CMTM4: variants seen among roughly 807,000 people sequenced by gnomAD.
The protein encoded by CMTM4 is CKLF-like MARVEL transmembrane domain-containing protein 4.
In CMTM4, 8 loss-of-function variants were observed where a neutral mutation model predicts 19.0. The observed-to-expected ratio is 0.42, with a 90% CI of 0.25 to 0.76. CMTM4 has a LOEUF of 0.76. Among genes scored for constraint, CMTM4 ranks in the 30% least tolerant of loss-of-function variants. The probability of loss-of-function intolerance (pLI) is 0.27; values close to 1 mark genes in which losing one functional copy is unlikely to be tolerated. For missense variants in CMTM4, 228 were observed against 290.2 expected (o/e 0.79, Z 1.56); for synonymous variants, 106 against 121.1 (o/e 0.88, Z 0.82).
chr16:66,678,277 C>T (rs1341270160), intron 1 of CMTM4, among the ~76,000 whole-genome samples: 1 of 152,144 alleles, frequency 6.6e-6, no homozygotes, highest in Non-Finnish European at 1.5e-5. Context: ...CCTCCAGCAA[C>T]CCGGAGATGC....
At chr16:66,626,116 T>A (rs1261086099) in intron 2 of CMTM4, among the ~76,000 whole-genome samples, 1 of 152,060 alleles carries the variant, frequency 6.6e-6, no homozygotes, top group Non-Finnish European at 1.5e-5. Context: ...ATGACCCAGT[T>A]TTTCTAACAA....
chr16:66,624,564 C>T (rs763435897), intron 2 of CMTM4, among the ~76,000 whole-genome samples: 67 of 152,058 alleles, frequency 4.4e-4, no homozygotes, highest in Non-Finnish European at 5.7e-4. Context: ...GTCAGGTGTT[C>T]GAGAACAGCC....
Position 66,633,106 on chromosome 16 carries a change from T to TATATATAAATATATATATATAA in CMTM4, c.363+3298_363+3299insTTATATATATATATTTATATAT, listed in dbSNP as rs1193487670. On this transcript the variant is annotated intron_variant, in intron 2 of 3. Transcript: ENST00000394106. ...GTTTCAAAATATATATATATAAATATATATATATATAAATATATATATATA... is the reference window on the plus strand; with the variant it reads ...GTTTCAAAATATATATATATAAATATATATATAAATATATATATATAAATATATATATAAATATATATATATA... Among the ~76,000 whole-genome samples the TATATATAAATATATATATATAA allele has an allele frequency of 7.5e-4, 97 of 129,636 alleles. 7 individuals are homozygous for TATATATAAATATATATATATAA. The highest frequency in any genetic ancestry group is 2.9e-3 in the African/African-American group (91 of 31,602). 85.0% of individuals were successfully genotyped at this position (129,636 alleles called of 152,430 possible).
the CMTM4 span, among the ~76,000 whole-genome samples, chr16:66,601,905 C>T: frequency 6.6e-6 from 1 of 152,138 alleles, no homozygotes; most frequent in African/African-American, 2.4e-5. Flanking sequence ...GGAGGAGGCC[C>T]CATTCTGCAG....
chr16:66,658,869 C>A lies in CMTM4; in HGVS notation c.187-22288G>T, dbSNP rs558702024. Among the ~76,000 whole-genome samples the A allele has an allele frequency of 1.5e-3, 225 of 152,262 alleles. 2 individuals are homozygous for A. The highest frequency in any genetic ancestry group is 0.015 in the Admixed American group (223 of 15,284). ...TCAGTAGCTATTAAAGCCACCGATGCGGAATTTCAAACAGATGGATCAAGC... is the reference window on the plus strand; with the variant it reads ...TCAGTAGCTATTAAAGCCACCGATGAGGAATTTCAAACAGATGGATCAAGC... On this transcript the variant is annotated intron_variant, in intron 1 of 3. Transcript: ENST00000394106.
intron 1 of CMTM4, among the ~76,000 whole-genome samples, chr16:66,641,872 C>T (rs1057255190): frequency 2.0e-5 from 3 of 152,158 alleles, no homozygotes; most frequent in Non-Finnish European, 4.4e-5. Flanking sequence ...TATTTTCCAG[C>T]CCACTTTTTC....
chr16:66,632,627 G>C (rs1015700686), intron 2 of CMTM4, among the ~76,000 whole-genome samples: 1 of 152,130 alleles, frequency 6.6e-6, no homozygotes, highest in Non-Finnish European at 1.5e-5. Flanking sequence ...GGCCAGTTGA[G>C]TGGGAGCCAC....
Position 66,618,834 on chromosome 16 carries a change from C to T in CMTM4, c.*3224G>A, listed in dbSNP as rs957455260. The T allele has an allele frequency of 1.6e-5, 16 of 985,520 alleles. No homozygotes were observed. The highest frequency in any genetic ancestry group is 1.7e-5 in the African/African-American group (1 of 57,376). The allele number at this position is 985,520 out of a possible 1,614,324, so 61.0% of individuals were successfully genotyped here. The stretch of plus-strand genomic sequence containing the variant: ...GACACATTCCCTGGCTGCCCACAGG[C>T]GTGAGCCTTCCTGCCAGGGGACAGT... On this transcript the variant is annotated 3_prime_UTR_variant, in exon 4 of 4. Coordinates refer to ENST00000394106, the MANE Select transcript of CMTM4 (RefSeq NM_181521.3).
At chr16:66,602,525 C>T in the CMTM4 span, among the ~76,000 whole-genome samples, 1 of 151,840 alleles carries the variant, frequency 6.6e-6, no homozygotes, top group East Asian at 1.9e-4. Context: ...AGCCAATTTG[C>T]TTCTTCTTCT....
At chr16:66,609,159 C>T in the CMTM4 span, among the ~76,000 whole-genome samples, 1 of 151,748 alleles carries the variant, frequency 6.6e-6, no homozygotes, top group Admixed American at 6.6e-5. The surrounding 1 kb of genome is among the most constrained non-coding windows in gnomAD (Gnocchi z 4.4). Flanking sequence ...TCCACCGCAT[C>T]GCAGGGCAGG....
intron 1 of CMTM4, among the ~76,000 whole-genome samples, chr16:66,639,414 T>C (rs1273538383): frequency 2.6e-5 from 4 of 152,124 alleles, no homozygotes; most frequent in Admixed American, 6.5e-5. Flanking sequence ...GTTGTGGCAG[T>C]GAACAAAACA....
At chr16:66,648,700 G>A (rs968889075) in intron 1 of CMTM4, among the ~76,000 whole-genome samples, 4 of 151,068 alleles carry the variant, frequency 2.6e-5, no homozygotes, top group East Asian at 2.0e-4. Context: ...GGCCGAGCAC[G>A]GTGGCTCACG....
At chr16:66,631,140 G>C (rs1325510459) in intron 2 of CMTM4, among the ~76,000 whole-genome samples, 3 of 151,634 alleles carry the variant, frequency 2.0e-5, no homozygotes, top group African/African-American at 7.3e-5. Context: ...GTCTCTGCCC[G>C]GCAGCCACCC....
At position 66,621,599 on chromosome 16, in the gene CMTM4, G is replaced by A; in HGVS notation, c.*459C>T. 1 of 992,972 alleles carries A rather than the reference G, an allele frequency of 1.0e-6. No individual in the cohort carries two copies. The highest frequency in any genetic ancestry group is 1.2e-6 in the Non-Finnish European group (1 of 833,850). 61.5% of individuals were successfully genotyped at this position (992,972 alleles called of 1,614,324 possible). A position where few individuals can be genotyped will look rare whatever the true frequency, so the allele number is the denominator to read the frequency against. On this transcript the variant is annotated 3_prime_UTR_variant, in exon 4 of 4. Transcript: ENST00000394106. ...CCCTGGCATGGAAGATGAGGAGTGG[G>A]CTGGATCCCAGCACGCAGACTCAAC...
At chr16:66,605,004 CGG>C in the CMTM4 span, 1 of 1,381,648 alleles carries the variant, frequency 7.2e-7, no homozygotes, top group Non-Finnish European at 9.3e-7. This position sits in a 1 kb window ranked among gnomAD's most constrained non-coding sequence, Gnocchi z 4.6. Flanking sequence ...CGGCTCCTTT[CGG>C]AGGAGGACGT....
At chr16:66,653,372 G>A (rs2016345566) in intron 1 of CMTM4, among the ~76,000 whole-genome samples, 1 of 150,662 alleles carries the variant, frequency 6.6e-6, no homozygotes, top group Non-Finnish European at 1.5e-5. Flanking sequence ...CCACTACCCT[G>A]GCAACCCCCC....
intron 2 of CMTM4, among the ~76,000 whole-genome samples, chr16:66,626,406 C>A (rs1327163086): frequency 6.6e-6 from 1 of 152,148 alleles, no homozygotes; most frequent in Non-Finnish European, 1.5e-5. Flanking sequence ...GAGCTCAAGA[C>A]CACCCCTAGG....
intron 1 of CMTM4, among the ~76,000 whole-genome samples, chr16:66,691,759 T>C (rs1010583365): frequency 1.3e-5 from 2 of 152,298 alleles, no homozygotes; most frequent in African/African-American, 4.8e-5. Flanking sequence ...TTCATAATGT[T>C]TCAGATTAGC....
intron 1 of CMTM4, among the ~76,000 whole-genome samples, chr16:66,652,990 T>C (rs1182658043): frequency 6.8e-6 from 1 of 147,456 alleles, no homozygotes; most frequent in Non-Finnish European, 1.5e-5. Context: ...CCTTAAAGCA[T>C]AAACATCTGA....
Sources: gnomAD v4.1 joint callset for allele counts (sites outside exome capture counted in the v4.1 genomes callset) on GRCh38, gnomAD v4.1.1 for gene constraint, Gnocchi (gnomAD v3.1) non-coding constraint, MANE v1.5 for transcripts, NCBI Gene and HGNC (gene_info 2026-07-23, HGNC 2026-07-21) for gene names.